The following CD46 variants were observed in gnomAD, a reference collection of about 807,000 sequenced individuals.
The protein encoded by CD46 is membrane cofactor protein.
CD46 carries 30 observed loss-of-function variants against 53.3 expected under a neutral mutation model. The observed-to-expected ratio is 0.56, with a 90% CI of 0.42 to 0.76. CD46 has a LOEUF of 0.76. Among genes scored for constraint, CD46 ranks in the 30% least tolerant of loss-of-function variants. CD46 has a pLI of 0.00. For synonymous variants in CD46, 142 were observed against 152.0 expected (o/e 0.93, Z 0.48); for missense variants, 409 against 463.0 (o/e 0.88, Z 1.07).
In CD46 at chr1:207,775,110, T is replaced by C. The variant is rs544294571; in HGVS notation, c.943+4748T>C. The stretch of plus-strand genomic sequence containing the variant: ...TTTCACTTTTTTCTCTAATCTTGTC[T>C]TCTTTTTTTCATTAATCTGATCTTC... On this transcript the variant is annotated intron_variant, in intron 8 of 12. Transcript: ENST00000367042. 2.0e-5 allele frequency among the ~76,000 whole-genome samples: 3 copies of C among 152,264 alleles called. No individual in the cohort carries two copies. In the South Asian group the frequency reaches 6.2e-4, roughly 32 times the overall value.
At chr1:207,788,450 C>T (rs1165656289) in intron 11 of CD46, among the ~76,000 whole-genome samples, 3 of 151,904 alleles carry the variant, frequency 2.0e-5, no homozygotes, top group Admixed American at 6.5e-5. Context: ...ACCCCGGAGG[C>T]GGAGCTTGCA....
rs554463480 is a variant in CD46, at chr1:207,752,734, G to C, written c.97+425G>C. 6.6e-6 allele frequency among the ~76,000 whole-genome samples: 1 copy of C among 152,144 alleles called. No homozygotes were observed. The highest frequency in any genetic ancestry group is 2.4e-5 in the African/African-American group (1 of 41,434). ...TTCCCTTGGTGCCTTGGTGAGTGGG[G>C]TGTTCATTAGGGCTTGGACAGTACC... is the stretch of plus-strand genomic sequence containing the variant. On this transcript the variant is annotated intron_variant, in intron 1 of 12. Transcript: ENST00000367042. The surrounding 1 kb of genome is among the most constrained non-coding windows in gnomAD (Gnocchi z 4.1).
intron 3 of CD46, 141 bp from the exon 4 acceptor site, chr1:207,759,498 C>T (rs569983832): frequency 2.5e-4 from 150 of 604,122 alleles, no homozygotes; most frequent in East Asian, 5.1e-4. Flanking sequence ...TTAGCACTTT[C>T]GTTATATAGT....
chr1:207,763,318 G>A (rs1656449458), intron 5 of CD46: 2 of 152,354 alleles, frequency 1.3e-5, no homozygotes, highest in Non-Finnish European at 2.9e-5. Context: ...AGCTAAGGGA[G>A]ACTGGCCAGC....
At chr1:207,759,086 A>T (rs1432458042) in intron 3 of CD46, among the ~76,000 whole-genome samples, 1 of 152,204 alleles carries the variant, frequency 6.6e-6, no homozygotes, top group Non-Finnish European at 1.5e-5. Context: ...GTTCTAAATA[A>T]TATTAATAGA....
chr1:207,781,410 C>T (rs891398907), intron 8 of CD46, among the ~76,000 whole-genome samples: 2 of 152,042 alleles, frequency 1.3e-5, no homozygotes, highest in Non-Finnish European at 2.9e-5. Context: ...TTGATAGTGT[C>T]ATTTGATGCA....
chr1:207,754,417 C>T (rs747823831), intron 1 of CD46, among the ~76,000 whole-genome samples: 1 of 152,168 alleles, frequency 6.6e-6, no homozygotes, highest in Admixed American at 6.5e-5. Flanking sequence ...ACATACAACC[C>T]AGTTCAAGTC....
At position 207,788,153 on chromosome 1, in the gene CD46, T is replaced by C. The variant is rs41317991; in HGVS notation, c.1083-2100T>C. On this transcript the variant is annotated intron_variant, in intron 11 of 12. Transcript: ENST00000367042. ...GTTTTTAAGATTCCTCATCCATGTG[T>C]ATCCTTAAAAAAAGGCTATGGGGTA... 3.0e-3 allele frequency among the ~76,000 whole-genome samples: 458 copies of C among 152,284 alleles called. 2 individuals are homozygous for C. The highest frequency in any genetic ancestry group is 9.4e-3 in the African/African-American group (389 of 41,562).
intron 11 of CD46, among the ~76,000 whole-genome samples, chr1:207,788,360 CAAA>C (rs1205954774): frequency 2.5e-5 from 2 of 80,104 alleles, no homozygotes; most frequent in Non-Finnish European, 2.9e-5. Flanking sequence ...ACTAAAAATA[CAAA>C]AAAAAAAAAA....
rs997654021 is a variant in CD46, at chr1:207,794,299, A to G, written c.*822A>G. 4.6e-5 allele frequency: 7 copies of G among 152,318 alleles called. No homozygotes were observed. Among genetic ancestry groups the G allele is most frequent in the African/African-American group, 1.7e-4 (7 of 41,448 alleles). 9.4% of individuals were successfully genotyped at this position (152,318 alleles called of 1,614,324 possible). ...ATTTCAGAATCAGATGCATCCTTTC[A>G]TAAGAAGTGAGAGGACTCTGACAGC... On this transcript the variant is annotated 3_prime_UTR_variant, in exon 13 of 13. Transcript: ENST00000367042.
intron 11 of CD46, among the ~76,000 whole-genome samples, chr1:207,789,453 A>G (rs1346326435): frequency 6.6e-6 from 1 of 152,220 alleles, no homozygotes; most frequent in East Asian, 1.9e-4. Context: ...GTTGGCCCTT[A>G]AATTCTTGAG....
rs41317809 is a variant in CD46, at chr1:207,766,261, C to G, written c.674-752C>G. Among the ~76,000 whole-genome samples the G allele has an allele frequency of 3.4e-3, 514 of 152,304 alleles. 3 individuals are homozygous for G. The highest frequency in any genetic ancestry group is 0.012 in the African/African-American group (488 of 41,564). On this transcript the variant is annotated intron_variant, in intron 5 of 12. Coordinates refer to ENST00000367042, the MANE Select transcript of CD46 (RefSeq NM_172351.3). ...TTATTTGCATTTGTCAAAACTGATA[C>G]AGCTGTACACTTGAAATGGTGAATT...
At chr1:207,785,587 TTA>T in intron 10 of CD46, 30 bp from the exon 11 acceptor site, 1 of 1,498,796 alleles carries the variant, frequency 6.7e-7, no homozygotes. Flanking sequence ...GTTTTCAGAA[TTA>T]TATGTCATTT....
rs370747988 is a variant in CD46 at position 207,782,733 on chromosome 1, C to T, written c.944-559C>T. On this transcript the variant is annotated intron_variant, in intron 8 of 12. Transcript: ENST00000367042. Reference sequence around the variant, plus strand: ...CTGTGTCTCGGCTCACTGCAACCTCCGCCTCCCGGGTTCAAGCGATTCTCC... The same window carrying T: ...CTGTGTCTCGGCTCACTGCAACCTCTGCCTCCCGGGTTCAAGCGATTCTCC... Among the ~76,000 whole-genome samples, 475 of 147,848 alleles carry T rather than the reference C, an allele frequency of 3.2e-3. 4 individuals carry two copies. The highest frequency in any genetic ancestry group is 0.011 in the African/African-American group (447 of 39,972).
intron 12 of CD46, among the ~76,000 whole-genome samples, chr1:207,791,229 C>G (rs956564938): frequency 3.3e-5 from 5 of 152,300 alleles, no homozygotes; most frequent in African/African-American, 1.2e-4. Flanking sequence ...TAGTGGTTGC[C>G]TGAAACCTGG....
chr1:207,775,550 A>T (rs898652134), intron 8 of CD46, among the ~76,000 whole-genome samples: 2 of 151,792 alleles, frequency 1.3e-5, no homozygotes, highest in African/African-American at 4.8e-5. Context: ...TTTGGTGTGG[A>T]TGTCCTTTTT....
At chr1:207,755,681 C>T (rs1281183088) in intron 1 of CD46, among the ~76,000 whole-genome samples, 1 of 152,188 alleles carries the variant, frequency 6.6e-6, no homozygotes, top group East Asian at 1.9e-4. Flanking sequence ...TACACAGTAG[C>T]GTCTCAGTTT....
rs759760354 is a variant in CD46 at position 207,785,657 on chromosome 1, T to C, written c.1057T>C (p.Tyr353His). ...VAVICVVPYR[Y>H]LQRRKKKGTY... Reference sequence around the variant, plus strand: ...AGTAATTTGTGTTGTCCCGTACAGATATCTTCAAAGGAGGAAGAAGAAAGG... The same window carrying C: ...AGTAATTTGTGTTGTCCCGTACAGACATCTTCAAAGGAGGAAGAAGAAAGG... The change falls in exon 11 of 13, where the codon TAT becomes CAT. Residue 353 changes from tyrosine to histidine, a missense_variant. By Grantham distance (83) the Tyr-to-His change is moderately conservative. Transcript: ENST00000367042. The C allele has an allele frequency of 6.2e-7, 1 of 1,610,830 alleles. No homozygotes were observed. The highest frequency in any genetic ancestry group is 8.5e-7 in the Non-Finnish European group (1 of 1,177,160).
At position 207,756,995 on chromosome 1, in the gene CD46, C is replaced by T; in HGVS notation, c.98-19C>T. The stretch of plus-strand genomic sequence containing the variant: ...GATATCAGTACTTCATCTTCATGTT[C>T]CTATTCTCTTATCCCTAGATGCCTG... On this transcript the variant is annotated intron_variant, in intron 1 of 12. Coordinates refer to ENST00000367042, the MANE Select transcript of CD46 (RefSeq NM_172351.3). 1 of 1,604,114 alleles carries T rather than the reference C, an allele frequency of 6.2e-7. No individual in the cohort carries two copies. Among genetic ancestry groups the T allele is most frequent in the East Asian group, 2.2e-5 (1 of 44,824 alleles).
Sources: gnomAD v4.1 joint callset for allele counts (sites outside exome capture counted in the v4.1 genomes callset) on GRCh38, gnomAD v4.1.1 for gene constraint, Gnocchi (gnomAD v3.1) non-coding constraint, MANE v1.5 for transcripts, NCBI Gene and HGNC (gene_info 2026-07-23, HGNC 2026-07-21) for gene names.